RANBP3: variants seen among roughly 807,000 people sequenced by gnomAD.
RANBP3 encodes ran-binding protein 3.
A neutral mutation model predicts 77.3 loss-of-function variants in RANBP3; 14 were observed. That is an observed-to-expected ratio of 0.18 (90% CI 0.12 to 0.28). The LOEUF (loss-of-function observed/expected upper bound fraction) is 0.28, where lower values mean the gene tolerates loss of function less well. Among genes scored for constraint, RANBP3 ranks in the 10% least tolerant of loss-of-function variants. RANBP3 has a pLI of 1.00. For missense variants in RANBP3, 586 were observed against 752.3 expected, an observed-to-expected ratio of 0.78 and a Z score of 2.59; for synonymous variants, 315 against 312.4, an observed-to-expected ratio of 1.01 and a Z score of -0.09.
chr19:5,940,155 T>C (rs1268383307), intron 5 of RANBP3, among the ~76,000 whole-genome samples: 1 of 152,178 alleles, frequency 6.6e-6, no homozygotes. Flanking sequence ...TGAGTGTCTC[T>C]TGGGGGCTGC....
intron 2 of RANBP3, 147 bp downstream of exon 2, chr19:5,957,771 T>C: frequency 1.2e-6 from 1 of 812,064 alleles, no homozygotes; most frequent in Non-Finnish European, 2.0e-6. Context: ...CCCTCCAAGC[T>C]CAACGTGAAA....
intron 14 of RANBP3, among the ~76,000 whole-genome samples, chr19:5,919,245 C>CTA (rs1336987499): frequency 6.6e-6 from 1 of 152,228 alleles, no homozygotes; most frequent in Admixed American, 6.5e-5. Context: ...GGCCCTGACT[C>CTA]TTCTAGAGGA....
At chr19:5,972,707 C>T (rs2058544742) in intron 1 of RANBP3, among the ~76,000 whole-genome samples, 2 of 152,238 alleles carry the variant, frequency 1.3e-5, no homozygotes, top group South Asian at 2.1e-4. Flanking sequence ...TACACCCAGG[C>T]CTATTCACTG....
intron 5 of RANBP3, among the ~76,000 whole-genome samples, chr19:5,941,070 C>T (rs1351100129): frequency 2.0e-5 from 3 of 152,242 alleles, no homozygotes; most frequent in Non-Finnish European, 4.4e-5. Flanking sequence ...CTGGCCCACC[C>T]TTCCAGGCCC....
intron 1 of RANBP3, 25 bp downstream of exon 1, chr19:5,978,036 C>T (rs773200765): frequency 4.3e-6 from 7 of 1,609,284 alleles, no homozygotes; most frequent in Non-Finnish European, 5.1e-6. Flanking sequence ...GGCCGCCAGC[C>T]GGTCCCCAAC....
At chr19:5,926,039 G>A (rs1181930936) in intron 9 of RANBP3, among the ~76,000 whole-genome samples, 1 of 152,192 alleles carries the variant, frequency 6.6e-6, no homozygotes, top group Admixed American at 6.5e-5. Flanking sequence ...CTCGGTCAAT[G>A]CTTCATACCA....
At chr19:5,918,361 C>T (rs1261529698) in intron 15 of RANBP3, 135 bp downstream of exon 15, 6 of 980,164 alleles carry the variant, frequency 6.1e-6, no homozygotes, top group Non-Finnish European at 8.7e-6. Flanking sequence ...TCCCATAGTG[C>T]TTCTTGTGTC....
chr19:5,941,895 C>T (rs746983628), intron 3 of RANBP3, 60 bp from the exon 4 acceptor site: 35 of 1,591,736 alleles, frequency 2.2e-5, no homozygotes, highest in Non-Finnish European at 2.8e-5. Flanking sequence ...AGCCGAGCAA[C>T]TCTCGGGGCC....
intron 5 of RANBP3, among the ~76,000 whole-genome samples, chr19:5,939,845 C>T (rs1011594064): frequency 6.6e-6 from 1 of 152,238 alleles, no homozygotes; most frequent in Non-Finnish European, 1.5e-5. Context: ...CAACTGGGGG[C>T]ACCCCCTTGT....
chr19:5,964,852 T>TG (rs386388443), intron 1 of RANBP3, among the ~76,000 whole-genome samples: 2,452 of 16,958 alleles, frequency 0.14, 281 homozygotes, highest in African/African-American at 0.29. Context: ...GGTGGTAGGG[T>TG]GGGGGGGGGG....
chr19:5,950,550 G>A (rs1402949014), intron 3 of RANBP3: 1 of 152,312 alleles, frequency 6.6e-6, no homozygotes, highest in East Asian at 1.9e-4. Context: ...CCGGGATAAG[G>A]TTTGGGACCG....
At chr19:5,931,583 C>T (rs775941564) in intron 7 of RANBP3, 52 bp from the exon 8 acceptor site, 2 of 1,563,032 alleles carry the variant, frequency 1.3e-6, no homozygotes, top group East Asian at 2.3e-5. Flanking sequence ...GGCCCTCCCA[C>T]CCCCACTCAC....
chr19:5,917,538 G>T lies in RANBP3; in HGVS notation c.*72C>A, dbSNP rs1488200931. On this transcript the variant is annotated 3_prime_UTR_variant, in exon 17 of 17. Coordinates refer to ENST00000340578, the MANE Select transcript of RANBP3 (RefSeq NM_007322.3). ...GGCCCCGCACCTGGACGCTGCCGGT[G>T]GGGTGGGGGCGGGTGGGCGGGTGGA... 6.1e-6 allele frequency: 9 copies of T among 1,474,068 alleles called. No homozygotes were observed. Among genetic ancestry groups the T allele is most frequent in the Non-Finnish European group, 7.2e-6 (8 of 1,106,096 alleles). 91.3% of individuals were successfully genotyped at this position (1,474,068 alleles called of 1,614,324 possible).
At position 5,917,620 on chromosome 19, in the gene RANBP3, C is replaced by A. The variant is rs757027802; in HGVS notation, c.1694G>T (p.Gly565Val). 10 of 1,604,564 alleles carry A rather than the reference C, an allele frequency of 6.2e-6. No individual in the cohort carries two copies. Among genetic ancestry groups the A allele is most frequent in the African/African-American group, 1.3e-5 (1 of 74,964 alleles). Residue 565 changes from glycine to valine, a missense_variant, in exon 17 of 17, where the codon GGG (glycine) becomes GTG (valine). Gly to Val is a moderately radical substitution (Grantham distance 109, BLOSUM62 -3). Transcript: ENST00000340578. ...CCGGGCTCCCGGCCGCTATGTGCTC[C>A]CGGTCGTCTGCCCGTCCCCTTCGTC... Reference protein sequence around the residue: ...AGDEGDGQTTGST With the variant: ...AGDEGDGQTTVST
At chr19:5,975,793 G>A (rs2058583623) in intron 1 of RANBP3, among the ~76,000 whole-genome samples, 1 of 151,434 alleles carries the variant, frequency 6.6e-6, no homozygotes, top group Non-Finnish European at 1.5e-5. Context: ...CAGAAGAAGT[G>A]AGCCATGGGG....
At chr19:5,939,524 G>A (rs1306987316) in intron 5 of RANBP3, among the ~76,000 whole-genome samples, 3 of 152,204 alleles carry the variant, frequency 2.0e-5, no homozygotes, top group Non-Finnish European at 4.4e-5. Context: ...GCTCTGAGTC[G>A]GAATTGCCTG....
rs1599710763 is a variant in RANBP3 at position 5,917,556 on chromosome 19, C to T, written c.*54G>A. On this transcript the variant is annotated 3_prime_UTR_variant, in exon 17 of 17. Transcript: ENST00000340578. ...TGCCGGTGGGGTGGGGGCGGGTGGG[C>T]GGGTGGATAGACGGACAAAGCAGCA... 10 of 1,442,796 alleles carry T rather than the reference C, an allele frequency of 6.9e-6. No homozygotes were observed. Among genetic ancestry groups the T allele is most frequent in the Admixed American group, 2.2e-5 (1 of 44,820 alleles). 89.4% of individuals were successfully genotyped at this position (1,442,796 alleles called of 1,614,324 possible).
intron 1 of RANBP3, among the ~76,000 whole-genome samples, chr19:5,973,639 G>A (rs1288473606): frequency 6.6e-6 from 1 of 152,206 alleles, no homozygotes; most frequent in African/African-American, 2.4e-5. Context: ...TCTGCCAGGG[G>A]CTCAGCCCAG....
At chr19:5,964,978 G>A (rs1464149089) in intron 1 of RANBP3, among the ~76,000 whole-genome samples, 1 of 152,082 alleles carries the variant, frequency 6.6e-6, no homozygotes. Context: ...AATTGAAGCA[G>A]TTCCTATGAC....
Sources: gnomAD v4.1 joint callset for allele counts (sites outside exome capture counted in the v4.1 genomes callset) on GRCh38, gnomAD v4.1.1 for gene constraint, MANE v1.5 for transcripts, NCBI Gene and HGNC (gene_info 2026-07-23, HGNC 2026-07-21) for gene names.